The following TMEM65 variants were observed in gnomAD, a reference collection of about 807,000 sequenced individuals.
The protein encoded by TMEM65 is transmembrane protein 65.
A neutral mutation model predicts 25.4 loss-of-function variants in TMEM65; 22 were observed. That is an observed-to-expected ratio of 0.86 (90% confidence interval 0.62 to 1.23). The LOEUF (loss-of-function observed/expected upper bound fraction) is 1.23, where lower values mean the gene tolerates loss of function less well. Among genes scored for constraint, TMEM65 ranks in the 50% most tolerant of loss-of-function variants. The pLI, the probability that TMEM65 is intolerant of heterozygous loss-of-function variation, is 0.00. For missense variants in TMEM65, 262 were observed against 308.2 expected (o/e 0.85, Z 1.12); for synonymous variants, 132 against 126.2 (o/e 1.05, Z -0.31).
Position 124,372,169 on chromosome 8 carries a change from G to A in TMEM65, c.-12C>T. ...AGCAGCCGGGACATGGCGAGCTGAG[G>A]AGCTGGGACCCCCGCGGCCGTCCGG... On this transcript the variant is annotated 5_prime_UTR_variant, in exon 1 of 7. Coordinates refer to ENST00000297632, the MANE Select transcript of TMEM65 (RefSeq NM_194291.3). The A allele has an allele frequency of 1.5e-6, 2 of 1,297,316 alleles. No homozygotes were observed. Among genetic ancestry groups the A allele is most frequent in the Non-Finnish European group, 2.0e-6 (2 of 1,019,456 alleles). The allele number at this position is 1,297,316 out of a possible 1,614,324, so 80.4% of individuals were successfully genotyped here.
intron 5 of TMEM65, among the ~76,000 whole-genome samples, chr8:124,321,534 C>T (rs1401442353): frequency 6.6e-6 from 1 of 152,046 alleles, no homozygotes; most frequent in African/African-American, 2.4e-5. Flanking sequence ...TTCATTATTC[C>T]TGCCACATAA....
At chr8:124,355,421 T>C (rs1814766237) in intron 1 of TMEM65, among the ~76,000 whole-genome samples, 1 of 152,214 alleles carries the variant, frequency 6.6e-6, no homozygotes, top group Non-Finnish European at 1.5e-5. Flanking sequence ...AACTCTTTCC[T>C]ATCTTAAAAA....
intron 5 of TMEM65, among the ~76,000 whole-genome samples, chr8:124,320,650 AAACT>A (rs1339266419): frequency 6.6e-6 from 1 of 152,186 alleles, no homozygotes; most frequent in Non-Finnish European, 1.5e-5. Context: ...TCAGATTGGT[AAACT>A]AACAAAAACA....
chr8:124,316,334 A>C (rs1814236950), intron 6 of TMEM65, among the ~76,000 whole-genome samples: 1 of 152,218 alleles, frequency 6.6e-6, no homozygotes, highest in African/African-American at 2.4e-5. Flanking sequence ...TCAAACAACC[A>C]AATTACAAGT....
chr8:124,330,026 G>T (rs982918064), intron 2 of TMEM65, among the ~76,000 whole-genome samples: 1 of 151,778 alleles, frequency 6.6e-6, no homozygotes, highest in Non-Finnish European at 1.5e-5. Context: ...ATATAAATTT[G>T]CTCTCTAGTA....
chr8:124,354,146 T>C (rs1172773818), intron 1 of TMEM65, among the ~76,000 whole-genome samples: 1 of 151,936 alleles, frequency 6.6e-6, no homozygotes, highest in Non-Finnish European at 1.5e-5. Context: ...CCCAAAGACA[T>C]GCTACAAAAA....
rs1815028973 is a variant in TMEM65 at position 124,372,233 on chromosome 8, G to A, written c.-76C>T. 3 of 1,199,032 alleles carry A rather than the reference G, an allele frequency of 2.5e-6. No individual in the cohort carries two copies. Among genetic ancestry groups the A allele is most frequent in the Admixed American group, 5.1e-5 (1 of 19,798 alleles). 74.3% of individuals were successfully genotyped at this position (1,199,032 alleles called of 1,614,324 possible). On this transcript the variant is annotated 5_prime_UTR_variant, in exon 1 of 7. Transcript: ENST00000297632. ...GGCGCGGCTGAGGCGAGAAGGAGCT[G>A]GGCTCAGCTCGACCCCGCCCCGAGG...
At chr8:124,365,003 T>C (rs1331505898) in intron 1 of TMEM65, among the ~76,000 whole-genome samples, 3 of 152,082 alleles carry the variant, frequency 2.0e-5, no homozygotes, top group Admixed American at 2.0e-4. Context: ...ATGAAAACAA[T>C]CTCCACTAAT....
At chr8:124,368,122 A>G (rs1047541871) in intron 1 of TMEM65, among the ~76,000 whole-genome samples, 3 of 151,708 alleles carry the variant, frequency 2.0e-5, no homozygotes, top group African/African-American at 7.3e-5. Context: ...AGCCAACCTC[A>G]AAGATGTACC....
chr8:124,312,825 C>CA lies in TMEM65; in HGVS notation c.*1134dup, dbSNP rs1814180713. The CA allele has an allele frequency of 2.0e-5, 3 of 151,530 alleles. No homozygotes were observed. In the South Asian group the frequency reaches 6.2e-4, roughly 31 times the overall value. 9.4% of individuals were successfully genotyped at this position (151,530 alleles called of 1,614,324 possible). A position where few individuals can be genotyped will look rare whatever the true frequency, so the allele number is the denominator to read the frequency against. On this transcript the variant is annotated 3_prime_UTR_variant, in exon 7 of 7. Transcript: ENST00000297632. ...TGTAATTTTTGAGTAGACTATGTAG[C>CA]AAAAAAGCAAAATATTAAATATCTA...
At chr8:124,357,033 C>T (rs1351482355) in intron 1 of TMEM65, among the ~76,000 whole-genome samples, 16 of 150,856 alleles carry the variant, frequency 1.1e-4, no homozygotes. Context: ...TGAAATGCCT[C>T]TTCCACCCTT....
chr8:124,322,278 C>G, intron 4 of TMEM65, 131 bp from the exon 5 acceptor site: 3 of 594,226 alleles, frequency 5.0e-6, no homozygotes, highest in Non-Finnish European at 8.6e-6. Flanking sequence ...CAAAGTAACT[C>G]ATTGGACAGC....
chr8:124,332,726 G>A (rs1814447311), intron 1 of TMEM65, among the ~76,000 whole-genome samples: 1 of 152,006 alleles, frequency 6.6e-6, no homozygotes. Flanking sequence ...AGAACCTACA[G>A]AGTACAAGAG....
chr8:124,332,803 ATAT>A (rs1312754620), intron 1 of TMEM65, among the ~76,000 whole-genome samples: 1 of 151,782 alleles, frequency 6.6e-6, no homozygotes, highest in Admixed American at 6.6e-5. Context: ...AATTTATTTT[ATAT>A]TATTATTATT....
At chr8:124,355,887 G>A (rs1156595942) in intron 1 of TMEM65, among the ~76,000 whole-genome samples, 1 of 152,176 alleles carries the variant, frequency 6.6e-6, no homozygotes, top group Non-Finnish European at 1.5e-5. Context: ...GGGAGATTTT[G>A]AGGCAGTATG....
intron 1 of TMEM65, among the ~76,000 whole-genome samples, chr8:124,338,831 A>G (rs1814543907): frequency 6.6e-6 from 1 of 152,144 alleles, no homozygotes. Flanking sequence ...TTTGGCCTAA[A>G]GCTGCCTGAG....
chr8:124,331,615 C>T (rs1159654663), intron 1 of TMEM65, among the ~76,000 whole-genome samples: 1 of 151,574 alleles, frequency 6.6e-6, no homozygotes, highest in Non-Finnish European at 1.5e-5. Context: ...CAGCAGCCTA[C>T]CTGGTCTTAT....
At chr8:124,340,294 GTATATC>G (rs1423979550) in intron 1 of TMEM65, among the ~76,000 whole-genome samples, 2 of 152,092 alleles carry the variant, frequency 1.3e-5, no homozygotes, top group Non-Finnish European at 2.9e-5. Flanking sequence ...CATCTATGAT[GTATATC>G]TATATATGTG....
intron 1 of TMEM65, among the ~76,000 whole-genome samples, chr8:124,370,875 T>C (rs1485416672): frequency 6.6e-6 from 1 of 152,224 alleles, no homozygotes; most frequent in Non-Finnish European, 1.5e-5. Flanking sequence ...TTTTTAAAAC[T>C]TTCAAACACA....
Sources: allele counts gnomAD v4.1 joint callset (sites outside exome capture counted in the v4.1 genomes callset), GRCh38; gene constraint gnomAD v4.1.1; transcripts MANE v1.5; gene names NCBI Gene and HGNC (gene_info 2026-07-23, HGNC 2026-07-21).